The following ELAVL2 variants were observed in gnomAD, a reference collection of about 807,000 sequenced individuals.
ELAVL2 encodes ELAV like RNA binding protein 2, also known as ELAV-like protein 2.
In ELAVL2, 4 loss-of-function variants were observed where a neutral mutation model predicts 34.6. The observed-to-expected ratio is 0.12, with a 90% CI of 0.06 to 0.26. The LOEUF is 0.26. Among genes scored for constraint, ELAVL2 ranks in the 10% least tolerant of loss-of-function variants. ELAVL2 has a pLI of 1.00. For missense variants in ELAVL2, 432 were observed against 442.8 expected (o/e 0.98, Z 0.22); for synonymous variants, 193 against 154.8 (o/e 1.25, Z -1.83).
intron 1 of ELAVL2, among the ~76,000 whole-genome samples, chr9:23,812,345 AATTAG>A (rs1157008741): frequency 2.6e-5 from 4 of 152,276 alleles, no homozygotes; most frequent in African/African-American, 9.6e-5. Flanking sequence ...TCAAAAACAA[AATTAG>A]ATTAATTTGG....
At chr9:23,740,201 T>A (rs1315073750) in intron 2 of ELAVL2, among the ~76,000 whole-genome samples, 1 of 152,310 alleles carries the variant, frequency 6.6e-6, no homozygotes, top group East Asian at 1.9e-4. Flanking sequence ...ATGCTATGTC[T>A]ACCTGTCTGG....
intron 2 of ELAVL2, among the ~76,000 whole-genome samples, chr9:23,748,987 G>T (rs541992797): frequency 1.4e-4 from 22 of 152,166 alleles, no homozygotes; most frequent in African/African-American, 5.1e-4. Context: ...AAAGGAGGTG[G>T]GTGAGGAGTT....
At chr9:23,784,284 A>C (rs2059425423) in intron 1 of ELAVL2, among the ~76,000 whole-genome samples, 1 of 152,182 alleles carries the variant, frequency 6.6e-6, no homozygotes, top group Non-Finnish European at 1.5e-5. Context: ...GAGACATATT[A>C]AACAAGCCAA....
chr9:23,843,207 A>G, the ELAVL2 span, among the ~76,000 whole-genome samples: 1 of 152,142 alleles, frequency 6.6e-6, no homozygotes, highest in Non-Finnish European at 1.5e-5. Flanking sequence ...CACAAGTAAA[A>G]TGAGTTCAAG....
chr9:23,700,606 G>A lies in ELAVL2; in HGVS notation c.713+773C>T, dbSNP rs568425445. Among the ~76,000 whole-genome samples, 299 of 152,194 alleles carry A rather than the reference G, an allele frequency of 2.0e-3. 1 individual carries two copies. Among genetic ancestry groups the A allele is most frequent in the African/African-American group, 4.9e-3 (202 of 41,534 alleles). Reference sequence around the variant, plus strand: ...GCTGTATGGGCTATAAGCTAAGAATGGCTTTTACATTTTTAACAGGTTGTT... The same window carrying A: ...GCTGTATGGGCTATAAGCTAAGAATAGCTTTTACATTTTTAACAGGTTGTT... On this transcript the variant is annotated intron_variant, in intron 5 of 6. Transcript: ENST00000397312.
At chr9:23,767,049 C>A (rs7866683) in intron 1 of ELAVL2, among the ~76,000 whole-genome samples, 1 of 152,094 alleles carries the variant, frequency 6.6e-6, no homozygotes, top group Non-Finnish European at 1.5e-5. Context: ...TAATAATTTA[C>A]GAAAAGGCAC....
chr9:23,792,673 C>A (rs1157318039), intron 1 of ELAVL2, among the ~76,000 whole-genome samples: 1 of 152,216 alleles, frequency 6.6e-6, no homozygotes, highest in African/African-American at 2.4e-5. Flanking sequence ...CTAATGTTTT[C>A]TCCCAACTTC....
chr9:23,733,330 T>C (rs1025301350), intron 2 of ELAVL2, among the ~76,000 whole-genome samples: 5 of 152,168 alleles, frequency 3.3e-5, no homozygotes, highest in African/African-American at 9.7e-5. Flanking sequence ...ATGCTTGAAC[T>C]CCTGGACTCA....
At chr9:23,734,451 A>G (rs555166696) in intron 2 of ELAVL2, among the ~76,000 whole-genome samples, 3 of 152,230 alleles carry the variant, frequency 2.0e-5, no homozygotes, top group African/African-American at 4.8e-5. Context: ...GGGAGGAAGT[A>G]GTAAAGTCAG....
At chr9:23,780,191 C>A (rs1351767107) in intron 1 of ELAVL2, among the ~76,000 whole-genome samples, 1 of 151,822 alleles carries the variant, frequency 6.6e-6, no homozygotes, top group Admixed American at 6.6e-5. Flanking sequence ...GAGAACAGAT[C>A]AACAGTTGGT....
chr9:23,762,510 C>T (rs894604303), intron 1 of ELAVL2, among the ~76,000 whole-genome samples: 1 of 152,120 alleles, frequency 6.6e-6, no homozygotes, highest in Non-Finnish European at 1.5e-5. Context: ...TCTAGAATCA[C>T]ATTCTGGGTC....
Position 23,809,732 on chromosome 9 carries a change from C to CAA in ELAVL2, c.-16+16072_-16+16073dup, listed in dbSNP as rs567113347. Among the ~76,000 whole-genome samples the CAA allele has an allele frequency of 1.9e-4, 29 of 152,232 alleles. 1 individual carries two copies. In the South Asian group the frequency reaches 5.8e-3, roughly 30 times the overall value. On this transcript the variant is annotated intron_variant, in intron 1 of 6. Coordinates refer to ENST00000397312, the MANE Select transcript of ELAVL2 (RefSeq NM_004432.5). ...CCTAAAAACACACTATGTGAGAGAT[C>CAA]AAGTAATGAAAAAGAGCACATGGCC...
intron 2 of ELAVL2, among the ~76,000 whole-genome samples, chr9:23,732,393 A>G (rs1245778760): frequency 6.6e-6 from 1 of 152,212 alleles, no homozygotes; most frequent in South Asian, 2.1e-4. Context: ...CACTGCTAAT[A>G]TATGTCCTCT....
intron 3 of ELAVL2, among the ~76,000 whole-genome samples, chr9:23,708,688 G>A (rs560224677): frequency 3.0e-4 from 45 of 152,154 alleles, no homozygotes; most frequent in African/African-American, 1.1e-3. Context: ...TGTTGCTCAG[G>A]CTGGAGTGCA....
At chr9:23,827,545 G>T (rs1013353880), upstream of ELAVL2, among the ~76,000 whole-genome samples, 2 of 152,114 alleles carry the variant, frequency 1.3e-5, no homozygotes, top group African/African-American at 4.8e-5. Context: ...ATGTGTAAAT[G>T]TAATGTACAC....
chr9:23,760,680 A>G lies in ELAVL2; in HGVS notation c.229+1326T>C, dbSNP rs141417378. On this transcript the variant is annotated intron_variant, in intron 2 of 6. Coordinates refer to ENST00000397312, the MANE Select transcript of ELAVL2 (RefSeq NM_004432.5). Reference sequence around the variant, plus strand: ...CATCTGATTATCAGTGTTCAGAAACATAAGAACCACCTTCCTAATATCATA... The same window carrying G: ...CATCTGATTATCAGTGTTCAGAAACGTAAGAACCACCTTCCTAATATCATA... 1.7e-3 allele frequency among the ~76,000 whole-genome samples: 262 copies of G among 152,230 alleles called. 1 individual carries two copies. The highest frequency in any genetic ancestry group is 6.1e-3 in the African/African-American group (254 of 41,564).
At chr9:23,765,715 C>A (rs1000762452) in intron 1 of ELAVL2, among the ~76,000 whole-genome samples, 4 of 152,152 alleles carry the variant, frequency 2.6e-5, no homozygotes, top group Admixed American at 1.3e-4. Flanking sequence ...CTCACATATA[C>A]TAAGAGGCAG....
At chr9:23,723,693 C>T (rs1271130375) in intron 3 of ELAVL2, among the ~76,000 whole-genome samples, 3 of 152,062 alleles carry the variant, frequency 2.0e-5, no homozygotes, top group Non-Finnish European at 4.4e-5. Flanking sequence ...TTTTCAGTGT[C>T]TTCTATCATG....
At chr9:23,765,042 T>C (rs1204691013) in intron 1 of ELAVL2, 1 of 1,609,706 alleles carries the variant, frequency 6.2e-7, no homozygotes, top group South Asian at 1.1e-5. Context: ...ACGAACCACT[T>C]CTAAGCAGAG....
Sources: allele counts gnomAD v4.1 joint callset (sites outside exome capture counted in the v4.1 genomes callset), GRCh38; gene constraint gnomAD v4.1.1; transcripts MANE v1.5; gene names NCBI Gene and HGNC (gene_info 2026-07-23, HGNC 2026-07-21).